Variants in TTN observed in about 807,000 individuals in gnomAD.
TTN encodes the protein connectin.
In TTN, 1,525 loss-of-function variants were observed where a neutral mutation model predicts 3,223.0. That is an observed-to-expected ratio of 0.47 (90% CI 0.45 to 0.49). The LOEUF (loss-of-function observed/expected upper bound fraction) is 0.49. Among genes scored for constraint, TTN ranks in the 20% least tolerant of loss-of-function variants. The pLI is 0.00. For missense variants in TTN, 40,786 were observed against 43,424.0 expected (o/e 0.94, Z 5.40); for synonymous variants, 14,094 against 15,161.0 (o/e 0.93, Z 5.17).
chr2:178,758,783 G>A, intron 44 of TTN: 1 of 616,064 alleles, frequency 1.6e-6, no homozygotes, highest in Non-Finnish European at 2.9e-6. Context: ...GGGGCCAAAT[G>A]AAACGTGATG....
chr2:178,711,879 C>G, intron 96 of TTN, 65 bp downstream of exon 96: 1 of 1,509,772 alleles, frequency 6.6e-7, no homozygotes, highest in South Asian at 1.4e-5. Context: ...ATAGGCCTCC[C>G]CAGACATTTT....
At chr2:178,804,832 A>G (rs1057055704) in intron 1 of TTN, among the ~76,000 whole-genome samples, 177 bp from the exon 2 acceptor site, 1 of 152,186 alleles carries the variant, frequency 6.6e-6, no homozygotes, top group African/African-American at 2.4e-5. Flanking sequence ...ATAGTTCATC[A>G]TTGAGTTGAC....
At position 178,632,912 on chromosome 2, in the gene TTN, G is replaced by A; in HGVS notation, c.43213+6C>T. ...TACAAAAACGTGGCTGACAAGTAGA[G>A]CATACCTTTCACTTTCAGATTGGCT... On this transcript the variant is annotated splice_donor_region_variant and intron_variant, in intron 234 of 362. Transcript: ENST00000589042. The A allele has an allele frequency of 2.5e-6, 4 of 1,612,950 alleles. No homozygotes were observed. Among genetic ancestry groups the A allele is most frequent in the Non-Finnish European group, 3.4e-6 (4 of 1,179,300 alleles).
Position 178,603,893 on chromosome 2 carries a change from A to G in TTN, c.54794T>C (p.Val18265Ala), listed in dbSNP as rs2054138018. Reference sequence around the variant, plus strand: ...ATACTTACATATGGGATCTCCTGCAACCTCTGGATCTGATGGTTCACTGGG... The same window carrying G: ...ATACTTACATATGGGATCTCCTGCAGCCTCTGGATCTGATGGTTCACTGGG... The part of the protein sequence containing the change: ...GPPSEPSDPE[V>A]AGDPIFPPGP... The change falls in exon 282 of 363, where the codon GTT becomes GCT. Residue 18265 changes from valine (V) to alanine (A), a missense_variant. Physicochemically the swap from Val to Ala is moderately conservative, Grantham distance 64. Transcript: ENST00000589042. 1.9e-6 allele frequency: 3 copies of G among 1,598,872 alleles called. No individual in the cohort carries two copies. Among genetic ancestry groups the G allele is most frequent in the African/African-American group, 1.3e-5 (1 of 74,566 alleles).
In TTN at chr2:178,564,815, C is replaced by T. The variant is rs577183624; in HGVS notation, c.81317G>A (p.Gly27106Asp). The change falls in exon 326 of 363, where the codon GGC (glycine) becomes GAC (aspartate). Residue 27106 changes from glycine to aspartate, a missense_variant. By Grantham distance (94) the Gly-to-Asp change is moderately conservative. Coordinates refer to ENST00000589042, the MANE Select transcript of TTN (RefSeq NM_001267550.2). ...CTTTTCTTTCTGTTCAAGATGGTAG[C>T]CAATAATTTTGGTGCCTCCATCATT... Reference protein sequence around the residue: ...PVNDGGTKIIGYHLEQKEKNS... With the variant: ...PVNDGGTKIIDYHLEQKEKNS... The T allele has an allele frequency of 6.2e-6, 10 of 1,612,914 alleles. No homozygotes were observed. In the African/African-American group the frequency reaches 1.3e-4, roughly 22 times the overall value.
chr2:178,654,156 G>C lies in TTN; in HGVS notation c.38380+52C>G. 16 of 1,590,836 alleles carry C rather than the reference G, an allele frequency of 1.0e-5. 2 individuals are homozygous for C. The highest frequency in any genetic ancestry group is 1.4e-5 in the Non-Finnish European group (16 of 1,177,238). On this transcript the variant is annotated intron_variant, in intron 193 of 362. Coordinates refer to ENST00000589042, the MANE Select transcript of TTN (RefSeq NM_001267550.2). Reference sequence around the variant, plus strand: ...GGCGAAGGTATATATTACAGTGATTGTGAGGGGTACAGACAGTAAGTTATT... The same window carrying C: ...GGCGAAGGTATATATTACAGTGATTCTGAGGGGTACAGACAGTAAGTTATT...
rs747449030 is a variant in TTN, at chr2:178,568,546, C to G, written c.77586G>C (p.Lys25862Asn). 4.3e-6 allele frequency: 7 copies of G among 1,613,438 alleles called. No individual in the cohort carries two copies. Among genetic ancestry groups the G allele is most frequent in the Non-Finnish European group, 5.9e-6 (7 of 1,179,574 alleles). ...TGATTCCATATTGTCCACCATCATC[C>G]TTATGAGTTTCTTTAATACTGAGTG... ...LTTLSIKETH[K>N]DDGGQYGITV... The change falls in exon 326 of 363, where the codon AAG (lysine) becomes AAC (asparagine). Residue 25862 changes from lysine to asparagine, a missense_variant. Transcript: ENST00000589042.
chr2:178,649,640 A>AT lies in TTN; in HGVS notation c.39896-10dup. The AT allele has an allele frequency of 6.4e-7, 1 of 1,550,834 alleles. No individual in the cohort carries two copies. Among genetic ancestry groups the AT allele is most frequent in the African/African-American group, 1.4e-5 (1 of 73,084 alleles). ...CTTTGGCATCTCAGGTTCTTTAAAG[A>AT]TATCAGTAGCATTTAATAATACAAA... On this transcript the variant is annotated splice_polypyrimidine_tract_variant and intron_variant, in intron 211 of 362. Coordinates refer to ENST00000589042, the MANE Select transcript of TTN (RefSeq NM_001267550.2).
At position 178,706,731 on chromosome 2, in the gene TTN, C is replaced by G. The variant is rs1359943299; in HGVS notation, c.29143G>C (p.Ala9715Pro). 1 of 1,608,308 alleles carries G rather than the reference C, an allele frequency of 6.2e-7. No homozygotes were observed. The highest frequency in any genetic ancestry group is 1.1e-5 in the South Asian group (1 of 89,886). ...CCTCCAACTTTTGCAATGAAGGTCG[C>G]AGTGGTTTCTAAGGAATAATGAAAA... ...QSIRVVEKTT[A>P]TFIAKVGGDP... Residue 9715 changes from alanine (A) to proline (P), a missense_variant, in exon 102 of 363, where the codon GCG becomes CCG. Coordinates refer to ENST00000589042, the MANE Select transcript of TTN (RefSeq NM_001267550.2).
In TTN at chr2:178,705,179, T is replaced by A; in HGVS notation, c.29599A>T (p.Arg9867Ter). Residue 9867 changes from arginine to a stop codon, truncating the protein, a stop_gained, in exon 103 of 363, where the codon AGA becomes TGA. Transcript: ENST00000589042. LOFTEE classifies it high-confidence loss of function. ...LKQSQEEETH[R>*]LEIEEIERSE... ...CTATATATGAAGGAGCATACCAGTC[T>A]ATGTGTCTCTTCTTCTTGGCTTTGC... 1 of 1,612,778 alleles carries A rather than the reference T, an allele frequency of 6.2e-7. No homozygotes were observed. The highest frequency in any genetic ancestry group is 8.5e-7 in the Non-Finnish European group (1 of 1,179,510).
Position 178,728,370 on chromosome 2 carries a change from T to C in TTN, c.19454A>G (p.Lys6485Arg). Residue 6485 changes from lysine to arginine, a missense_variant, in exon 67 of 363, where the codon AAA becomes AGA. Transcript: ENST00000589042. ...LDQNIPPSFT[K>R]KLTKMDKVLG... is the part of the protein sequence containing the mutation. ...AACTTTATCCATTTTGGTTAATTTT[T>C]TGGTGAATGATGGAGGAATATTTTG... The C allele has an allele frequency of 6.2e-7, 1 of 1,603,028 alleles. No homozygotes were observed.
chr2:178,712,708 A>C lies in TTN; in HGVS notation c.27317T>G (p.Leu9106Arg). 1 of 1,613,234 alleles carries C rather than the reference A, an allele frequency of 6.2e-7. No homozygotes were observed. The highest frequency in any genetic ancestry group is 8.5e-7 in the Non-Finnish European group (1 of 1,179,298). Reference sequence around the variant, plus strand: ...GCAGTCTGACAAACCTTTTATGTAGAGATGTGTTGTACAAGAAGCCTTGCC... The same window carrying C: ...GCAGTCTGACAAACCTTTTATGTAGCGATGTGTTGTACAAGAAGCCTTGCC... ...EAGKASCTTH[L>R]YIKAPAKFVK... The change falls in exon 94 of 363, where the codon CTC (leucine) becomes CGC (arginine). Residue 9106 changes from leucine (L) to arginine (R), a missense_variant. By Grantham distance (102) the Leu-to-Arg change is moderately radical (BLOSUM62 -2). Coordinates refer to ENST00000589042, the MANE Select transcript of TTN (RefSeq NM_001267550.2).
chr2:178,729,722 C>G lies in TTN; in HGVS notation c.18531G>C (p.Val6177=), dbSNP rs370684491. The change falls in exon 63 of 363, where the codon GTG becomes GTC. Residue 6177 remains valine, a synonymous_variant. Coordinates refer to ENST00000589042, the MANE Select transcript of TTN (RefSeq NM_001267550.2). ...GARVENSGTY[V]CEARNDAGTA... The stretch of plus-strand genomic sequence containing the variant: ...TGCCTGCGTCATTTCGAGCTTCACA[C>G]ACATAAGTCCCACTATTTTCTACCC... The G allele has an allele frequency of 1.4e-4, 233 of 1,613,782 alleles. No individual in the cohort carries two copies. The African/African-American group carries it at 2.8e-3, about 19-fold the overall frequency.
Position 178,552,062 on chromosome 2 carries a change from C to T in TTN, c.90838G>A (p.Ala30280Thr). Residue 30280 changes from alanine (A) to threonine (T), a missense_variant, in exon 335 of 363, where the codon GCC becomes ACC. Physicochemically the swap from Ala to Thr is moderately conservative, Grantham distance 58. Coordinates refer to ENST00000589042, the MANE Select transcript of TTN (RefSeq NM_001267550.2). Reference sequence around the variant, plus strand: ...TTAGGAACTTTGAAAGTCGTTCTGGCAACACTTGAACACACCATCTTCCAG... The same window carrying T: ...TTAGGAACTTTGAAAGTCGTTCTGGTAACACTTGAACACACCATCTTCCAG... ...TNWKMVCSSVARTTFKVPNLV... is the reference protein window; with the variant it reads ...TNWKMVCSSVTRTTFKVPNLV... 6.2e-7 allele frequency: 1 copy of T among 1,613,702 alleles called. No individual in the cohort carries two copies. Among genetic ancestry groups the T allele is most frequent in the Non-Finnish European group, 8.5e-7 (1 of 1,179,752 alleles).
At chr2:178,579,510 C>T (rs1265233508) in intron 319 of TTN, 51 bp downstream of exon 319, 5 of 1,599,390 alleles carry the variant, frequency 3.1e-6, no homozygotes, top group Non-Finnish European at 4.2e-6. Flanking sequence ...CACAAGAGTG[C>T]ACTTTCGATG....
In TTN at chr2:178,539,695, G is replaced by T; in HGVS notation, c.98370C>A (p.Val32790=). The change falls in exon 352 of 363, where the codon GTC becomes GTA. Residue 32790 remains valine (V), a synonymous_variant. Coordinates refer to ENST00000589042, the MANE Select transcript of TTN (RefSeq NM_001267550.2). ...KCGKKAVYIK[V]RVIGSPNSPE... is the part of the protein sequence containing the mutation. ...GACTGTTGGGACTTCCTATCACCCT[G>T]ACCTTGATGTAGACAGCCTTCTTGC... The T allele has an allele frequency of 6.2e-7, 1 of 1,613,670 alleles. No individual in the cohort carries two copies. Among genetic ancestry groups the T allele is most frequent in the Non-Finnish European group, 8.5e-7 (1 of 1,179,806 alleles).
chr2:178,678,911 C>A, intron 142 of TTN, 81 bp from the exon 143 acceptor site: 1 of 1,115,664 alleles, frequency 9.0e-7, no homozygotes. Context: ...AAGGCCTTAA[C>A]TGAAGCAGCA....
At chr2:178,529,331 T>A in intron 359 of TTN, 112 bp from the exon 360 acceptor site, 1 of 816,232 alleles carries the variant, frequency 1.2e-6, no homozygotes, top group South Asian at 2.4e-5. Flanking sequence ...AACTTCTTCA[T>A]GCAATGTAGG....
chr2:178,747,449 A>G, intron 47 of TTN: 1 of 1,613,400 alleles, frequency 6.2e-7, no homozygotes, highest in Non-Finnish European at 8.5e-7. Context: ...AAACTGATCT[A>G]ACTCAGATAT....
Sources: allele counts gnomAD v4.1 joint callset (sites outside exome capture counted in the v4.1 genomes callset), GRCh38; gene constraint gnomAD v4.1.1; transcripts MANE v1.5; gene names NCBI Gene and HGNC (gene_info 2026-07-23, HGNC 2026-07-21).